The following IGSF9 variants were observed in gnomAD, a reference collection of about 807,000 sequenced individuals.
The protein encoded by IGSF9 is protein turtle homolog A.
A neutral mutation model predicts 121.7 loss-of-function variants in IGSF9; 87 were observed. That is an observed-to-expected ratio of 0.71 (90% confidence interval 0.60 to 0.85). The LOEUF is 0.85. IGSF9 is among the 40% of genes least tolerant of loss of function. The pLI, the probability that IGSF9 is intolerant of heterozygous loss-of-function variation, is 0.00. For missense variants in IGSF9, 1,462 were observed against 1,565.3 expected, an observed-to-expected ratio of 0.93 and a Z score of 1.11; for synonymous variants, 640 against 648.4, an observed-to-expected ratio of 0.99 and a Z score of 0.20.
intron 2 of IGSF9, 30 bp from the exon 3 acceptor site, chr1:159,943,181 G>A (rs745878688): frequency 1.5e-5 from 23 of 1,560,190 alleles, no homozygotes; most frequent in South Asian, 2.4e-5. Flanking sequence ...AGGGCACAAC[G>A]GGGGGCTAGG....
At chr1:159,941,295 T>G (rs1388045686) in intron 3 of IGSF9, among the ~76,000 whole-genome samples, 3 of 152,210 alleles carry the variant, frequency 2.0e-5, no homozygotes, top group East Asian at 3.8e-4. Context: ...TACCTCCTGT[T>G]GCTTAGCAAC....
intron 17 of IGSF9, 61 bp downstream of exon 17, chr1:159,929,577 A>G: frequency 6.5e-7 from 1 of 1,532,788 alleles, no homozygotes; most frequent in South Asian, 1.2e-5. Context: ...CCCAGGTAGG[A>G]GGGGCTTAAG....
rs781392535 is a variant in IGSF9, at chr1:159,928,864, G to T, written c.2524C>A (p.Leu842Met). ...TCTGGGCCCCGGCAAATGGGCTCCA[G>T]AGGTAAGGGTCCCCGGCTAGATGGA... ...DPPSSRGPLP[L>M]EPICRGPDGR... Residue 842 changes from leucine (L) to methionine (M), a missense_variant, in exon 19 of 21, where the codon CTG becomes ATG. Around this residue, in one of 3 missense-constraint regions of IGSF9, gnomAD observed 808 missense variants for 815.2 expected, o/e 0.99. Coordinates refer to ENST00000368094, the MANE Select transcript of IGSF9 (RefSeq NM_001135050.2). The T allele has an allele frequency of 6.3e-7, 1 of 1,586,934 alleles. No homozygotes were observed. The highest frequency in any genetic ancestry group is 1.4e-5 in the African/African-American group (1 of 73,912).
rs1385856449 is a variant in IGSF9, at chr1:159,929,732, G to A, written c.2232C>T (p.Cys744=). 4 of 1,602,656 alleles carry A rather than the reference G, an allele frequency of 2.5e-6. No homozygotes were observed. The highest frequency in any genetic ancestry group is 2.2e-5 in the South Asian group (2 of 89,056). Residue 744 remains cysteine, a synonymous_variant, in exon 17 of 21, where the codon TGC becomes TGT. Coordinates refer to ENST00000368094, the MANE Select transcript of IGSF9 (RefSeq NM_001135050.2). The part of the protein sequence containing the change: ...PVLAGVVGGV[C]FLGVAVLVSI... Reference sequence around the variant, plus strand: ...TCACAAGGACGGCCACTCCCAGAAAGCAGACTCCGCCCACCACGCCGGCCA... The same window carrying A: ...TCACAAGGACGGCCACTCCCAGAAAACAGACTCCGCCCACCACGCCGGCCA...
intron 4 of IGSF9, 151 bp from the exon 5 acceptor site, chr1:159,937,059 A>G (rs10797055): frequency 0.5 from 354,853 of 711,976 alleles, 90,562 homozygotes; most frequent in African/African-American, 0.66. Context: ...CACCCTGTCT[A>G]CTGCACCCAG....
Position 159,930,235 on chromosome 1 carries a change from GC to G in IGSF9, c.2017del (p.Ala673LeufsTer80), listed in dbSNP as rs762836255. Reference sequence around the variant, plus strand: ...CAGCTCTGTTTCTGTGCCTGCCACAGCCGGGTCCAGCACCTCCCAGCCCTGG... The same window carrying G: ...CAGCTCTGTTTCTGTGCCTGCCACAGCGGGTCCAGCACCTCCCAGCCCTGG... Reference protein sequence around the residue: ...GSQGWEVLDPAVAGTETELLV... With the variant: ...GSQGWEVLDPXVAGTETELLV... On this transcript the variant is annotated frameshift_variant, in exon 15 of 21. Coordinates refer to ENST00000368094, the MANE Select transcript of IGSF9 (RefSeq NM_001135050.2). LOFTEE classifies it high-confidence loss of function. 62 of 1,613,316 alleles carry G rather than the reference GC, an allele frequency of 3.8e-5. No individual in the cohort carries two copies. Among genetic ancestry groups the G allele is most frequent in the Non-Finnish European group, 5.2e-5 (61 of 1,179,758 alleles).
chr1:159,929,697 G>T lies in IGSF9; in HGVS notation c.2267C>A (p.Ala756Asp), dbSNP rs1328988522. 1.3e-6 allele frequency: 2 copies of T among 1,598,490 alleles called. No homozygotes were observed. Among genetic ancestry groups the T allele is most frequent in the Non-Finnish European group, 1.7e-6 (2 of 1,173,852 alleles). Residue 756 changes from alanine to aspartate, a missense_variant, in exon 17 of 21, where the codon GCC (alanine) becomes GAC (aspartate). Physicochemically the swap from Ala to Asp is moderately radical, Grantham distance 126. Around this residue, in one of 3 missense-constraint regions of IGSF9, gnomAD observed 808 missense variants for 815.2 expected, o/e 0.99. Transcript: ENST00000368094. ...CCTGCGCCGGTTCAGGAGGCAGCCG[G>T]CCAGGATGCTCACAAGGACGGCCAC... ...LGVAVLVSIL[A>D]GCLLNRRRAA...
Position 159,927,091 on chromosome 1 carries a change from C to CAGAG in IGSF9, c.*253_*254insCTCT, listed in dbSNP as rs1650755501. 3.7e-6 allele frequency: 2 copies of CAGAG among 540,832 alleles called. No individual in the cohort carries two copies. The highest frequency in any genetic ancestry group is 6.9e-5 in the Admixed American group (2 of 28,990). 33.5% of individuals were successfully genotyped at this position (540,832 alleles called of 1,614,324 possible). ...GTAAAAAACTTCACACACACACACA[C>CAGAG]ACACACAGAGAGAGAGAGAGAGAGA... On this transcript the variant is annotated 3_prime_UTR_variant, in exon 21 of 21. Transcript: ENST00000368094.
At chr1:159,936,934 C>A (rs761918619) in intron 4 of IGSF9, 26 bp from the exon 5 acceptor site, 3 of 1,612,176 alleles carry the variant, frequency 1.9e-6, no homozygotes, top group East Asian at 4.5e-5. Flanking sequence ...GCATCAGGGG[C>A]CCCAGTGGGG....
At position 159,934,308 on chromosome 1, in the gene IGSF9, G is replaced by C; in HGVS notation, c.986C>G (p.Pro329Arg). The change falls in exon 9 of 21, where the codon CCT (proline) becomes CGT (arginine). Residue 329 changes from proline (P) to arginine (R), a missense_variant. Pro to Arg is a moderately radical substitution (Grantham distance 103). Around this residue, in one of 3 missense-constraint regions of IGSF9, gnomAD observed 558 missense variants for 599.4 expected, o/e 0.93. Coordinates refer to ENST00000368094, the MANE Select transcript of IGSF9 (RefSeq NM_001135050.2). ...GCCTATGGGCAGGGGTGTCTCAGGA[G>C]GCATAGCTGTCACCTGGGCTGGGTC... ...VLYPAQVTAM[P>R]PETPLPIGMP... is the part of the protein sequence containing the mutation. The C allele has an allele frequency of 6.2e-7, 1 of 1,605,748 alleles. No individual in the cohort carries two copies. Among genetic ancestry groups the C allele is most frequent in the East Asian group, 2.2e-5 (1 of 44,632 alleles).
At position 159,931,641 on chromosome 1, in the gene IGSF9, C is replaced by T; in HGVS notation, c.1363-38G>A. 1 of 1,597,508 alleles carries T rather than the reference C, an allele frequency of 6.3e-7. No individual in the cohort carries two copies. Among genetic ancestry groups the T allele is most frequent in the Non-Finnish European group, 8.6e-7 (1 of 1,168,980 alleles). ...TGGTGAGCCCTGAGGACACACGCAG[C>T]CACCCCTCACCAAAGGCGCCCCTCA... On this transcript the variant is annotated intron_variant, in intron 11 of 20. Transcript: ENST00000368094. The surrounding 1 kb of genome is among the most constrained non-coding windows in gnomAD (Gnocchi z 4.8).
chr1:159,934,592 G>A (rs1341371575), intron 7 of IGSF9, 22 bp from the exon 8 acceptor site: 1 of 1,613,406 alleles, frequency 6.2e-7, no homozygotes, highest in Non-Finnish European at 8.5e-7. Context: ...CATGTGTGAG[G>A]AGGGGTCCAG....
In IGSF9 at chr1:159,927,293, G is replaced by T; in HGVS notation, c.*52C>A. ...TTTGAAACTAGGTCTGTCTGGTTGG[G>T]GGCCTCCTTTGCAGGTCCATATGCC... On this transcript the variant is annotated 3_prime_UTR_variant, in exon 21 of 21. Coordinates refer to ENST00000368094, the MANE Select transcript of IGSF9 (RefSeq NM_001135050.2). The T allele has an allele frequency of 6.2e-7, 1 of 1,604,880 alleles. No individual in the cohort carries two copies. Among genetic ancestry groups the T allele is most frequent in the African/African-American group, 1.3e-5 (1 of 74,794 alleles).
Position 159,932,473 on chromosome 1 carries a change from C to T in IGSF9, c.1245+39G>A, listed in dbSNP as rs2101877221. On this transcript the variant is annotated intron_variant, in intron 10 of 20. Coordinates refer to ENST00000368094, the MANE Select transcript of IGSF9 (RefSeq NM_001135050.2). This position sits in a 1 kb window ranked among gnomAD's most constrained non-coding sequence, Gnocchi z 4.1. ...TTAGCACCATCTCCAGCCATCTGAC[C>T]CACTGTCACCACAGGCCCCCGCCCA... 6.2e-7 allele frequency: 1 copy of T among 1,609,684 alleles called. No homozygotes were observed. The highest frequency in any genetic ancestry group is 2.2e-5 in the East Asian group (1 of 44,756).
chr1:159,934,489 G>A lies in IGSF9; in HGVS notation c.897C>T (p.Tyr299=), dbSNP rs549844054. Residue 299 remains tyrosine (Y), a synonymous_variant, in exon 8 of 21, where the codon TAC becomes TAT. Coordinates refer to ENST00000368094, the MANE Select transcript of IGSF9 (RefSeq NM_001135050.2). ...LATQPDDAGC[Y]TCVPSNGLLH... is the part of the protein sequence containing the mutation. ...GGAGGCCATTGCTGGGCACACAGGT[G>A]TAGCAGCCGGCATCATCAGGCTGGG... The A allele has an allele frequency of 9.9e-6, 16 of 1,610,716 alleles. No individual in the cohort carries two copies. Among genetic ancestry groups the A allele is most frequent in the Middle Eastern group, 3.3e-4 (2 of 6,032 alleles).
intron 18 of IGSF9, 155 bp from the exon 19 acceptor site, chr1:159,929,173 C>A (rs972150331): frequency 7.7e-7 from 1 of 1,291,366 alleles, no homozygotes; most frequent in South Asian, 1.3e-5. Context: ...AGGGAAGGCA[C>A]AGGCCATACT....
In IGSF9 at chr1:159,932,719, C is replaced by T; in HGVS notation, c.1105-67G>A. 1 of 1,509,124 alleles carries T rather than the reference C, an allele frequency of 6.6e-7. No individual in the cohort carries two copies. Among genetic ancestry groups the T allele is most frequent in the Non-Finnish European group, 9.0e-7 (1 of 1,112,490 alleles). The allele number at this position is 1,509,124 out of a possible 1,614,324, so 93.5% of individuals were successfully genotyped here. ...CAGAGACAAGCCCGGGATGGCAGTA[C>T]AAGAGAGGGGGCAGGATGAGAAACC... On this transcript the variant is annotated intron_variant, in intron 9 of 20. Transcript: ENST00000368094. This position sits in a 1 kb window ranked among gnomAD's most constrained non-coding sequence, Gnocchi z 4.1.
chr1:159,936,632 G>C, intron 5 of IGSF9, 116 bp from the exon 6 acceptor site: 1 of 1,522,202 alleles, frequency 6.6e-7, no homozygotes, highest in Admixed American at 1.8e-5. Flanking sequence ...ACAATGCCAA[G>C]CCCTTCTTCT....
chr1:159,928,387 C>A lies in IGSF9; in HGVS notation c.3001G>T (p.Asp1001Tyr). Residue 1001 changes from aspartate to tyrosine, a missense_variant, in exon 19 of 21, where the codon GAC (aspartate) becomes TAC (tyrosine). Asp to Tyr is a radical substitution (Grantham distance 160, BLOSUM62 -3). This residue lies in a region of IGSF9 where 808 missense variants were observed against 815.2 expected (regional missense o/e 0.99). Transcript: ENST00000368094. ...TAEPPYTALA[D>Y]WTLRERLLPG... ...AGCAGCCGCTCCCTCAGTGTCCAGT[C>A]AGCCAGGGCTGTGTAAGGGGGCTCT... is the stretch of plus-strand genomic sequence containing the variant. The A allele has an allele frequency of 6.2e-7, 1 of 1,609,260 alleles. No individual in the cohort carries two copies. The highest frequency in any genetic ancestry group is 8.5e-7 in the Non-Finnish European group (1 of 1,177,962).
Sources: allele counts gnomAD v4.1 joint callset (sites outside exome capture counted in the v4.1 genomes callset), GRCh38; gene constraint gnomAD v4.1.1; regional missense constraint gnomAD v4.1.1; non-coding constraint Gnocchi (gnomAD v3.1); transcripts MANE v1.5; gene names NCBI Gene and HGNC (gene_info 2026-07-23, HGNC 2026-07-21).